The following ITGBL1 variants were observed in gnomAD, a reference collection of about 807,000 sequenced individuals.
ITGBL1 encodes the protein integrin subunit beta like 1, also known as integrin beta-like protein 1.
A neutral mutation model predicts 68.5 loss-of-function variants in ITGBL1; 51 were observed. That is an observed-to-expected ratio of 0.74 (90% confidence interval 0.59 to 0.94). ITGBL1 has a LOEUF of 0.94. ITGBL1 is among the 40% of genes least tolerant of loss of function. The pLI, the probability that ITGBL1 is intolerant of heterozygous loss-of-function variation, is 0.00. For missense variants in ITGBL1, 649 were observed against 647.4 expected, an observed-to-expected ratio of 1.00 and a Z score of -0.03; for synonymous variants, 209 against 227.3, an observed-to-expected ratio of 0.92 and a Z score of 0.72.
chr13:101,557,301 G>A (rs768659432), intron 2 of ITGBL1, among the ~76,000 whole-genome samples: 6 of 152,126 alleles, frequency 3.9e-5, no homozygotes, highest in Non-Finnish European at 8.8e-5. Context: ...ACTTTGAGTC[G>A]CCATTTAAAA....
At chr13:101,512,215 G>A (rs10508068) in intron 2 of ITGBL1, among the ~76,000 whole-genome samples, 16,100 of 151,966 alleles carry the variant, frequency 0.11, 1,504 homozygotes, top group African/African-American at 0.25. Flanking sequence ...TCTTCTGCAT[G>A]TTATTTCTAC....
At position 101,644,446 on chromosome 13, in the gene ITGBL1, C is replaced by A. The variant is rs143299018; in HGVS notation, c.1015+46147C>A. The stretch of plus-strand genomic sequence containing the variant: ...ATGGTGAGATCAAATGATTGCGATG[C>A]CTATGGACACTGATGTCGCCTTGGA... On this transcript the variant is annotated intron_variant, in intron 7 of 10. Coordinates refer to ENST00000376180, the MANE Select transcript of ITGBL1 (RefSeq NM_004791.3). Among the ~76,000 whole-genome samples the A allele has an allele frequency of 3.9e-3, 599 of 152,204 alleles. 3 individuals carry two copies. The highest frequency in any genetic ancestry group is 0.014 in the African/African-American group (578 of 41,534).
At chr13:101,523,124 A>C (rs2049313749) in intron 2 of ITGBL1, among the ~76,000 whole-genome samples, 1 of 152,214 alleles carries the variant, frequency 6.6e-6, no homozygotes, top group South Asian at 2.1e-4. Context: ...CTGTTCTATG[A>C]AACAAATGTT....
At position 101,691,886 on chromosome 13, in the gene ITGBL1, T is replaced by A. The variant is rs74375651; in HGVS notation, c.1016-699T>A. Among the ~76,000 whole-genome samples the A allele has an allele frequency of 8.7e-3, 1,321 of 152,284 alleles. 27 individuals are homozygous for A. The highest frequency in any genetic ancestry group is 0.052 in the East Asian group (268 of 5,176). On this transcript the variant is annotated intron_variant, in intron 7 of 10. Coordinates refer to ENST00000376180, the MANE Select transcript of ITGBL1 (RefSeq NM_004791.3). Reference sequence around the variant, plus strand: ...GGTGTTGGAAAATGAAATGATGTCATGCAGGGAATGATAGTGTTTGACACA... The same window carrying A: ...GGTGTTGGAAAATGAAATGATGTCAAGCAGGGAATGATAGTGTTTGACACA...
At chr13:101,536,062 T>G (rs1247478154) in intron 2 of ITGBL1, among the ~76,000 whole-genome samples, 3 of 151,914 alleles carry the variant, frequency 2.0e-5, no homozygotes, top group Non-Finnish European at 4.4e-5. Flanking sequence ...TCTTTTTTTT[T>G]TAAATTATAC....
chr13:101,584,741 C>G (rs2050522165), intron 6 of ITGBL1, among the ~76,000 whole-genome samples: 1 of 151,852 alleles, frequency 6.6e-6, no homozygotes, highest in Non-Finnish European at 1.5e-5. Context: ...GCTGTCAACA[C>G]AGTGGTAATA....
At chr13:101,618,752 T>C (rs2031467623) in intron 7 of ITGBL1, among the ~76,000 whole-genome samples, 1 of 152,180 alleles carries the variant, frequency 6.6e-6, no homozygotes, top group South Asian at 2.1e-4. Flanking sequence ...GATGGATTTT[T>C]CTCCATACAG....
chr13:101,657,830 T>A (rs553336950), intron 7 of ITGBL1, among the ~76,000 whole-genome samples: 1 of 152,210 alleles, frequency 6.6e-6, no homozygotes, highest in Non-Finnish European at 1.5e-5. Flanking sequence ...CTCTCTTTAA[T>A]AATCTAGTGT....
intron 2 of ITGBL1, among the ~76,000 whole-genome samples, chr13:101,550,247 G>A (rs1219525377): frequency 2.6e-5 from 4 of 152,042 alleles, no homozygotes; most frequent in Admixed American, 1.3e-4. Context: ...GAACAGCCTG[G>A]GAAGACAGAC....
Position 101,594,234 on chromosome 13 carries a change from A to T in ITGBL1, c.869-3919A>T, listed in dbSNP as rs113584390. 3.4e-3 allele frequency among the ~76,000 whole-genome samples: 513 copies of T among 152,300 alleles called. 2 individuals carry two copies. Among genetic ancestry groups the T allele is most frequent in the African/African-American group, 0.012 (489 of 41,578 alleles). On this transcript the variant is annotated intron_variant, in intron 6 of 10. Coordinates refer to ENST00000376180, the MANE Select transcript of ITGBL1 (RefSeq NM_004791.3). ...GTATGGTACTAACACAAAAACAGAC[A>T]CATAGACCAGTGGAACAGAATAGAC... is the stretch of plus-strand genomic sequence containing the variant.
chr13:101,573,170 G>A (rs1029887942), intron 3 of ITGBL1, among the ~76,000 whole-genome samples: 11 of 151,952 alleles, frequency 7.2e-5, no homozygotes, highest in African/African-American at 2.4e-4. Flanking sequence ...GAATAAATGT[G>A]AAAATGAAAA....
At chr13:101,519,603 G>A (rs996433785) in intron 2 of ITGBL1, among the ~76,000 whole-genome samples, 1 of 151,956 alleles carries the variant, frequency 6.6e-6, no homozygotes. Context: ...AATAAAATTC[G>A]CTTTTTAATA....
At chr13:101,685,564 C>T (rs1019742623) in intron 7 of ITGBL1, among the ~76,000 whole-genome samples, 2 of 152,048 alleles carry the variant, frequency 1.3e-5, no homozygotes, top group African/African-American at 4.8e-5. Flanking sequence ...CATCTCCCAT[C>T]TCTAACTTAG....
intron 2 of ITGBL1, among the ~76,000 whole-genome samples, chr13:101,471,661 C>T (rs534558925): frequency 6.6e-6 from 1 of 152,240 alleles, no homozygotes; most frequent in African/African-American, 2.4e-5. Context: ...CATTCTGCTG[C>T]ACGTTATTTT....
intron 2 of ITGBL1, among the ~76,000 whole-genome samples, chr13:101,556,362 C>T (rs1160234367): frequency 1.3e-5 from 2 of 152,016 alleles, no homozygotes; most frequent in Non-Finnish European, 2.9e-5. Context: ...AGAAGCTGGG[C>T]ACGGTGGCTC....
intron 7 of ITGBL1, among the ~76,000 whole-genome samples, chr13:101,674,543 CTATT>C (rs1322159832): frequency 1.3e-5 from 2 of 151,462 alleles, no homozygotes; most frequent in Non-Finnish European, 2.9e-5. Flanking sequence ...AAGTTACTTT[CTATT>C]TCTTTCTTAT....
intron 2 of ITGBL1, among the ~76,000 whole-genome samples, chr13:101,470,003 C>T (rs983405075): frequency 6.6e-6 from 1 of 152,178 alleles, no homozygotes; most frequent in Non-Finnish European, 1.5e-5. Context: ...TCAAAAGGCA[C>T]TTATTAAACA....
chr13:101,697,252 G>GA (rs1247157003), intron 8 of ITGBL1, among the ~76,000 whole-genome samples: 13 of 151,666 alleles, frequency 8.6e-5, no homozygotes, highest in African/African-American at 2.9e-4. Flanking sequence ...TATATAGAGA[G>GA]AAATGGAAAC....
chr13:101,693,398 A>G (rs1406157416), intron 8 of ITGBL1, among the ~76,000 whole-genome samples: 1 of 152,224 alleles, frequency 6.6e-6, no homozygotes, highest in Non-Finnish European at 1.5e-5. Flanking sequence ...GAATTACATT[A>G]CAAGAAAATA....
Sources: allele counts gnomAD v4.1 joint callset (sites outside exome capture counted in the v4.1 genomes callset), GRCh38; gene constraint gnomAD v4.1.1; transcripts MANE v1.5; gene names NCBI Gene and HGNC (gene_info 2026-07-23, HGNC 2026-07-21).